Variants in ATP1B3 observed in about 807,000 individuals in gnomAD.
ATP1B3 encodes sodium/potassium-transporting ATPase subunit beta-3.
Under a neutral mutation model 30.2 loss-of-function variants are expected in ATP1B3, and 10 were observed. The ratio of observed to expected loss-of-function variants is 0.33; its 90% confidence interval spans 0.20 to 0.56. The LOEUF is 0.56. Ranked by LOEUF, ATP1B3 falls within the 20% of genes least tolerant of loss-of-function variation. ATP1B3 has a pLI of 0.90. For synonymous variants in ATP1B3, 113 were observed against 117.0 expected, an observed-to-expected ratio of 0.97 and a Z score of 0.22; for missense variants, 238 against 336.7, an observed-to-expected ratio of 0.71 and a Z score of 2.29.
At chr3:141,903,324 A>G (rs542548117) in intron 1 of ATP1B3, among the ~76,000 whole-genome samples, 90 of 152,276 alleles carry the variant, frequency 5.9e-4, no homozygotes, top group African/African-American at 1.9e-3. Flanking sequence ...ACATTCCCCT[A>G]TGTACTGGAA....
intron 6 of ATP1B3, among the ~76,000 whole-genome samples, chr3:141,922,400 C>CA (rs1319264899): frequency 6.6e-6 from 1 of 152,052 alleles, no homozygotes; most frequent in Non-Finnish European, 1.5e-5. Context: ...CTCCTGTAAT[C>CA]ACAGCACTTT....
chr3:141,916,640 CTGAT>C lies in ATP1B3; in HGVS notation c.582+623_582+626del, dbSNP rs562391186. ...TGTGCTAAATATTAACATTTCAACT[CTGAT>C]TGTATGGCAGAAATATTTTACTTAG... is the stretch of plus-strand genomic sequence containing the variant. On this transcript the variant is annotated intron_variant, in intron 5 of 6. Transcript: ENST00000286371. 7.2e-4 allele frequency: 752 copies of C among 1,039,932 alleles called. 4 individuals carry two copies. The African/African-American group carries it at 0.01, about 14-fold the overall frequency. The allele number at this position is 1,039,932 out of a possible 1,614,324, so 64.4% of individuals were successfully genotyped here. A position where few individuals can be genotyped will look rare whatever the true frequency, so the allele number is the denominator to read the frequency against.
chr3:141,894,926 G>T (rs1934032702), intron 1 of ATP1B3, among the ~76,000 whole-genome samples: 1 of 152,164 alleles, frequency 6.6e-6, no homozygotes, highest in Non-Finnish European at 1.5e-5. Context: ...AGACTTTTAT[G>T]TGACTGGTAG....
In ATP1B3 at chr3:141,916,073, T is replaced by C; in HGVS notation, c.582+53T>C. On this transcript the variant is annotated intron_variant, in intron 5 of 6. Transcript: ENST00000286371. ...AAATCTTTGATGTTTCTTAAAATAC[T>C]TTAAAAGTCTAATGATTTAGTCATC... is the stretch of plus-strand genomic sequence containing the variant. 3 of 1,475,270 alleles carry C rather than the reference T, an allele frequency of 2.0e-6. No homozygotes were observed. In the South Asian group the frequency reaches 3.7e-5, roughly 18 times the overall value. 91.4% of individuals were successfully genotyped at this position (1,475,270 alleles called of 1,614,324 possible). A position where few individuals can be genotyped will look rare whatever the true frequency, so the allele number is the denominator to read the frequency against.
chr3:141,900,284 G>C (rs1934139460), intron 1 of ATP1B3, among the ~76,000 whole-genome samples: 1 of 152,102 alleles, frequency 6.6e-6, no homozygotes, highest in Admixed American at 6.6e-5. Flanking sequence ...GCTATATTGT[G>C]TGGCCTGTGG....
intron 1 of ATP1B3, among the ~76,000 whole-genome samples, chr3:141,886,479 A>G (rs1217829817): frequency 6.6e-6 from 1 of 152,208 alleles, no homozygotes; most frequent in Non-Finnish European, 1.5e-5. Context: ...CCAGCTCACA[A>G]TGGCTCTGCT....
intron 1 of ATP1B3, among the ~76,000 whole-genome samples, chr3:141,889,756 T>TATATAC (rs1201511323): frequency 0.019 from 1,624 of 83,968 alleles, 35 homozygotes; most frequent in East Asian, 0.061. Context: ...AAAAAATATA[T>TATATAC]ACACACACAC....
intron 1 of ATP1B3, among the ~76,000 whole-genome samples, chr3:141,878,777 G>A (rs1168473810): frequency 2.0e-5 from 3 of 152,286 alleles, no homozygotes; most frequent in East Asian, 3.8e-4. Context: ...TAAATTTTTT[G>A]TTTATTGTAA....
chr3:141,910,562 A>T (rs1934340666), intron 3 of ATP1B3, among the ~76,000 whole-genome samples: 1 of 151,538 alleles, frequency 6.6e-6, no homozygotes, highest in Non-Finnish European at 1.5e-5. Context: ...TTCTTTTATC[A>T]TCTATAGATA....
rs1933723927 is a variant in ATP1B3, at chr3:141,881,412, G to T, written c.109+4502G>T. Among the ~76,000 whole-genome samples the T allele has an allele frequency of 1.3e-5, 2 of 152,252 alleles. 1 individual carries two copies. Among genetic ancestry groups the T allele is most frequent in the Middle Eastern group, 6.8e-3 (2 of 294 alleles). ...CCAAAACTGTTAGCACCTATATTTT[G>T]TTTGTGTGCCTTTTCTTTTACTATA... On this transcript the variant is annotated intron_variant, in intron 1 of 6. Transcript: ENST00000286371.
chr3:141,925,404 G>A (rs1934640366), intron 6 of ATP1B3, 127 bp from the exon 7 acceptor site: 2 of 929,270 alleles, frequency 2.2e-6, no homozygotes, highest in Non-Finnish European at 3.1e-6. Context: ...AGCCATAATT[G>A]CACCACTGCA....
chr3:141,904,618 C>T (rs1228336380), intron 2 of ATP1B3, among the ~76,000 whole-genome samples: 1 of 150,442 alleles, frequency 6.6e-6, no homozygotes, highest in Non-Finnish European at 1.5e-5. Context: ...AAAAAAAATT[C>T]ATTATACAGG....
chr3:141,925,678 T>C lies in ATP1B3; in HGVS notation c.817T>C (p.Phe273Leu). Reference protein sequence around the residue: ...DRDKFLGRVMFKITARA With the variant: ...DRDKFLGRVMLKITARA ...TGACAAGTTTTTGGGACGAGTTATG[T>C]TCAAAATCACAGCACGTGCATAGTA... Residue 273 changes from phenylalanine to leucine, a missense_variant, in exon 7 of 7, where the codon TTC (phenylalanine) becomes CTC (leucine). Around this residue, in one of 3 missense-constraint regions of ATP1B3, gnomAD observed 50 missense variants for 62.3 expected, o/e 0.80. Transcript: ENST00000286371. The C allele has an allele frequency of 1.9e-6, 3 of 1,612,134 alleles. No individual in the cohort carries two copies. Among genetic ancestry groups the C allele is most frequent in the Admixed American group, 1.7e-5 (1 of 59,960 alleles).
At chr3:141,916,087 G>T (rs1934457099) in intron 5 of ATP1B3, 67 bp downstream of exon 5, 1 of 1,404,524 alleles carries the variant, frequency 7.1e-7, no homozygotes, top group South Asian at 1.3e-5. Flanking sequence ...AAAGTCTAAT[G>T]ATTTAGTCAT....
At position 141,877,979 on chromosome 3, in the gene ATP1B3, T is replaced by A. The variant is rs561676693; in HGVS notation, c.109+1069T>A. 3.7e-4 allele frequency among the ~76,000 whole-genome samples: 56 copies of A among 152,296 alleles called. 3 individuals are homozygous for A. In the South Asian group the frequency reaches 0.012, roughly 32 times the overall value. ...CTTAGAACTATTTGGGCACAACATT[T>A]TTAGGATAAGCATGGAGAAATAAGC... On this transcript the variant is annotated intron_variant, in intron 1 of 6. Transcript: ENST00000286371.
At chr3:141,919,502 T>C (rs1028630904) in intron 5 of ATP1B3, among the ~76,000 whole-genome samples, 4 of 152,230 alleles carry the variant, frequency 2.6e-5, no homozygotes, top group African/African-American at 9.7e-5. Flanking sequence ...TCTCAGTGTT[T>C]TATTTTCTTA....
At position 141,922,995 on chromosome 3, in the gene ATP1B3, C is replaced by T. The variant is rs1351319608; in HGVS notation, c.669+932C>T. 5.4e-5 allele frequency among the ~76,000 whole-genome samples: 8 copies of T among 148,106 alleles called. 1 individual carries two copies. In the South Asian group the frequency reaches 6.5e-4, roughly 12 times the overall value. ...AAGAAAAAAAATCAAAAGCTCATTG[C>T]GGCCGGGTGTGGTGGCTCACGCCTG... On this transcript the variant is annotated intron_variant, in intron 6 of 6. Coordinates refer to ENST00000286371, the MANE Select transcript of ATP1B3 (RefSeq NM_001679.4).
intron 1 of ATP1B3, among the ~76,000 whole-genome samples, chr3:141,899,018 G>A (rs1417264969): frequency 6.6e-6 from 1 of 152,208 alleles, no homozygotes; most frequent in Non-Finnish European, 1.5e-5. Flanking sequence ...TCTAGGAAAT[G>A]TCTAGAAAAT....
At chr3:141,901,961 TCTGTCAGCC>T (rs1435013089) in intron 1 of ATP1B3, among the ~76,000 whole-genome samples, 1 of 152,226 alleles carries the variant, frequency 6.6e-6, no homozygotes, top group East Asian at 1.9e-4. Flanking sequence ...CATTTAAGTT[TCTGTCAGCC>T]CTGGTGTAGA....
Sources: allele counts gnomAD v4.1 joint callset (sites outside exome capture counted in the v4.1 genomes callset), GRCh38; gene constraint gnomAD v4.1.1; regional missense constraint gnomAD v4.1.1; transcripts MANE v1.5; gene names NCBI Gene and HGNC (gene_info 2026-07-23, HGNC 2026-07-21).